Variants in TMEM196 observed in about 807,000 individuals in gnomAD.
TMEM196 encodes the protein transmembrane protein 196.
Under a neutral mutation model 20.0 loss-of-function variants are expected in TMEM196, and 17 were observed. That is an observed-to-expected ratio of 0.85 (90% confidence interval 0.58 to 1.27). The LOEUF (loss-of-function observed/expected upper bound fraction) is 1.27. Ranked by LOEUF, TMEM196 falls within the 50% of genes most tolerant of loss-of-function variation. The pLI is 0.00. For synonymous variants in TMEM196, 113 were observed against 88.9 expected (o/e 1.27, Z -1.52); for missense variants, 267 against 223.0 (o/e 1.20, Z -1.26).
At chr7:19,765,452 G>A (rs572038502) in intron 1 of TMEM196, among the ~76,000 whole-genome samples, 2 of 152,186 alleles carry the variant, frequency 1.3e-5, no homozygotes, top group East Asian at 3.9e-4. Context: ...TAATAAACAT[G>A]GCTTGTGAAG....
chr7:19,745,842 C>T (rs1042667531), intron 1 of TMEM196, among the ~76,000 whole-genome samples: 23 of 150,484 alleles, frequency 1.5e-4, no homozygotes, highest in African/African-American at 5.1e-4. Context: ...TGTCCATTGG[C>T]GTATTCTATG....
chr7:19,752,582 A>G (rs187387239), intron 1 of TMEM196, among the ~76,000 whole-genome samples: 1 of 151,178 alleles, frequency 6.6e-6, no homozygotes, highest in African/African-American at 2.4e-5. Context: ...TTCTCGTTCA[A>G]TTTTTTTAAT....
At chr7:19,752,991 A>T (rs945844585) in intron 1 of TMEM196, among the ~76,000 whole-genome samples, 15 of 152,312 alleles carry the variant, frequency 9.8e-5, no homozygotes, top group African/African-American at 3.6e-4. Context: ...GTTCCAAGCC[A>T]ATTTGACAAC....
intron 4 of TMEM196, among the ~76,000 whole-genome samples, chr7:19,722,669 A>C (rs1279542402): frequency 1.3e-5 from 2 of 152,192 alleles, no homozygotes; most frequent in Non-Finnish European, 2.9e-5. Context: ...TCACTCTTCC[A>C]GTAAGAAGCA....
intron 1 of TMEM196, among the ~76,000 whole-genome samples, chr7:19,763,298 G>C (rs1027911168): frequency 1.3e-5 from 2 of 152,120 alleles, no homozygotes; most frequent in Admixed American, 6.5e-5. Flanking sequence ...TGCCATTGCT[G>C]TTATCAACAT....
At chr7:19,760,691 A>G (rs1785402145) in intron 1 of TMEM196, among the ~76,000 whole-genome samples, 1 of 152,004 alleles carries the variant, frequency 6.6e-6, no homozygotes, top group African/African-American at 2.4e-5. Context: ...CACAATCTTT[A>G]ATTTTAATTT....
intron 1 of TMEM196, among the ~76,000 whole-genome samples, chr7:19,766,190 T>G (rs1326551123): frequency 1.3e-5 from 2 of 152,318 alleles, no homozygotes; most frequent in Middle Eastern, 3.4e-3. Context: ...TTGAGTGAGA[T>G]GTATAAATCT....
intron 1 of TMEM196, among the ~76,000 whole-genome samples, chr7:19,744,945 A>G (rs985340999): frequency 3.3e-5 from 5 of 152,172 alleles, no homozygotes; most frequent in African/African-American, 4.8e-5. Flanking sequence ...TTTAATGACA[A>G]TTGAAGCTTG....
At chr7:19,768,887 C>T (rs1249232401) in intron 1 of TMEM196, among the ~76,000 whole-genome samples, 2 of 152,046 alleles carry the variant, frequency 1.3e-5, no homozygotes, top group Non-Finnish European at 2.9e-5. Flanking sequence ...ATTTTAAGCC[C>T]TTATCTTTAT....
At position 19,753,212 on chromosome 7, in the gene TMEM196, G is replaced by A. The variant is rs538414830; in HGVS notation, c.147+19338C>T. Among the ~76,000 whole-genome samples the A allele has an allele frequency of 1.1e-4, 16 of 151,958 alleles. No homozygotes were observed. The East Asian group carries it at 2.3e-3, about 22-fold the overall frequency. ...GTACCTTTTTTATGTGGCTTATTACGTTTTGACTCATAAATATTTATATGC... is the reference window on the plus strand; with the variant it reads ...GTACCTTTTTTATGTGGCTTATTACATTTTGACTCATAAATATTTATATGC... On this transcript the variant is annotated intron_variant, in intron 1 of 4. Coordinates refer to ENST00000405844, the MANE Select transcript of TMEM196 (RefSeq NM_001363562.2).
chr7:19,725,128 C>G (rs1216977053), intron 3 of TMEM196, among the ~76,000 whole-genome samples: 2 of 152,230 alleles, frequency 1.3e-5, no homozygotes, highest in East Asian at 3.9e-4. Context: ...AAATGCATCT[C>G]CTTAATAGAA....
At position 19,721,906 on chromosome 7, in the gene TMEM196, A is replaced by C. The variant is rs563026449; in HGVS notation, c.*222T>G. 3.1e-5 allele frequency: 18 copies of C among 586,196 alleles called. No homozygotes were observed. In the African/African-American group the frequency reaches 3.2e-4, roughly 10 times the overall value. The allele number at this position is 586,196 out of a possible 1,614,324, so 36.3% of individuals were successfully genotyped here. A position where few individuals can be genotyped will look rare whatever the true frequency, so the allele number is the denominator to read the frequency against. On this transcript the variant is annotated 3_prime_UTR_variant, in exon 5 of 5. Coordinates refer to ENST00000405844, the MANE Select transcript of TMEM196 (RefSeq NM_001363562.2). ...GTTTCTGGAAAGTTTTTTACCCCAT[A>C]AAAAAGGGTGGAGAAACCAGTGAGG...
intron 1 of TMEM196, among the ~76,000 whole-genome samples, chr7:19,736,883 G>C (rs1436454765): frequency 2.6e-5 from 4 of 151,844 alleles, no homozygotes; most frequent in Non-Finnish European, 5.9e-5. Context: ...TTTCATCATT[G>C]CTAATACATA....
At chr7:19,772,423 A>C in intron 1 of TMEM196, 127 bp downstream of exon 1, 1 of 1,079,918 alleles carries the variant, frequency 9.3e-7, no homozygotes, top group Non-Finnish European at 1.2e-6. Context: ...ATGAACCTAC[A>C]TGCAAGCCAG....
chr7:19,767,570 G>A (rs954553331), intron 1 of TMEM196, among the ~76,000 whole-genome samples: 12 of 152,110 alleles, frequency 7.9e-5, no homozygotes, highest in African/African-American at 2.2e-4. Context: ...AATGGTGCCT[G>A]ATTTTGATGA....
intron 1 of TMEM196, among the ~76,000 whole-genome samples, chr7:19,729,972 A>T (rs1320064499): frequency 6.6e-6 from 1 of 152,124 alleles, no homozygotes; most frequent in Non-Finnish European, 1.5e-5. Context: ...ACACAAAGAG[A>T]TAGGCTGGGC....
intron 1 of TMEM196, among the ~76,000 whole-genome samples, chr7:19,752,297 C>A (rs1383409031): frequency 6.6e-6 from 1 of 152,176 alleles, no homozygotes; most frequent in Non-Finnish European, 1.5e-5. Context: ...CCACTCACCA[C>A]TTTTCCTGTG....
chr7:19,759,972 A>T (rs1449654008), intron 1 of TMEM196, among the ~76,000 whole-genome samples: 1 of 152,172 alleles, frequency 6.6e-6, no homozygotes, highest in Non-Finnish European at 1.5e-5. Flanking sequence ...GACCTTTATA[A>T]TCTTGTCCAT....
intron 1 of TMEM196, among the ~76,000 whole-genome samples, chr7:19,750,751 T>C (rs543886897): frequency 7.9e-5 from 12 of 152,186 alleles, no homozygotes; most frequent in Non-Finnish European, 1.3e-4. Flanking sequence ...AAAAATAACA[T>C]CATTCCTTCA....
Sources: allele counts gnomAD v4.1 joint callset (sites outside exome capture counted in the v4.1 genomes callset), GRCh38; gene constraint gnomAD v4.1.1; transcripts MANE v1.5; gene names NCBI Gene and HGNC (gene_info 2026-07-23, HGNC 2026-07-21).